TMEM230: variants seen among roughly 807,000 people sequenced by gnomAD.
The protein encoded by TMEM230 is transmembrane protein 230.
In TMEM230, 10 loss-of-function variants were observed where a neutral mutation model predicts 15.8. The ratio of observed to expected loss-of-function variants is 0.63; its 90% CI spans 0.39 to 1.07. The LOEUF (loss-of-function observed/expected upper bound fraction) is 1.07. Ranked by LOEUF, TMEM230 falls within the 50% of genes least tolerant of loss-of-function variation. The pLI is 0.01. For synonymous variants in TMEM230, 67 were observed against 76.9 expected (o/e 0.87, Z 0.68); for missense variants, 165 against 193.3 (o/e 0.85, Z 0.87).
chr20:5,086,966 C>A (rs1284130198), intron 3 of TMEM230, among the ~76,000 whole-genome samples: 5 of 152,112 alleles, frequency 3.3e-5, no homozygotes, highest in African/African-American at 9.7e-5. Context: ...CTCGACCTCC[C>A]AGGCTCAAGC....
At chr20:5,074,789 T>C (rs2122560976) in intron 3 of TMEM230, among the ~76,000 whole-genome samples, 1 of 152,090 alleles carries the variant, frequency 6.6e-6, no homozygotes, top group Non-Finnish European at 1.5e-5. Context: ...AAAATAAAAA[T>C]AATGAAAACA....
chr20:5,112,742 C>T (rs572071430), intron 1 of TMEM230: 2 of 1,451,508 alleles, frequency 1.4e-6, no homozygotes, highest in African/African-American at 1.4e-5. Flanking sequence ...TATTCTCCTA[C>T]CCGTCTTCAG....
downstream of TMEM230, among the ~76,000 whole-genome samples, chr20:5,095,433 T>C (rs1419597594): frequency 6.6e-6 from 1 of 152,216 alleles, no homozygotes; most frequent in African/African-American, 2.4e-5. Flanking sequence ...TTGGGACTCC[T>C]GTCTCGATTT....
chr20:5,100,512 C>T lies in TMEM230; in HGVS notation c.*279G>A. 1 of 1,155,744 alleles carries T rather than the reference C, an allele frequency of 8.7e-7. No individual in the cohort carries two copies. The highest frequency in any genetic ancestry group is 2.6e-5 in the South Asian group (1 of 37,838). 71.6% of individuals were successfully genotyped at this position (1,155,744 alleles called of 1,614,324 possible). A position where few individuals can be genotyped will look rare whatever the true frequency, so the allele number is the denominator to read the frequency against. ...TGCTCAGCTCTACAGAGGGTGGTGG[C>T]AGGCAACACTTTTCCATTACAGAAT... On this transcript the variant is annotated 3_prime_UTR_variant, in exon 5 of 5. Transcript: ENST00000342308.
chr20:5,100,986 A>G, intron 4 of TMEM230, 55 bp from the exon 4 acceptor site: 3 of 1,600,788 alleles, frequency 1.9e-6, no homozygotes, highest in Middle Eastern at 1.7e-4. Flanking sequence ...ACATTTTAAA[A>G]TAAAACGTCA....
In TMEM230 at chr20:5,089,863, AC is replaced by A. The variant is rs369632614; in HGVS notation, c.222+16324del. On this transcript the variant is annotated intron_variant, in intron 3 of 3. Transcript: ENST00000612323. Reference sequence around the variant, plus strand: ...CAAAACCCCATCTCTAGTAAACAATACAAAAATTAGCCAGGCATGGTGGCAC... The same window carrying A: ...CAAAACCCCATCTCTAGTAAACAATAAAAAATTAGCCAGGCATGGTGGCAC... 2.5e-3 allele frequency among the ~76,000 whole-genome samples: 387 copies of A among 151,932 alleles called. 3 individuals carry two copies. The highest frequency in any genetic ancestry group is 9.0e-3 in the African/African-American group (372 of 41,422).
chr20:5,080,206 G>A (rs1427950131), intron 3 of TMEM230, among the ~76,000 whole-genome samples: 1 of 152,122 alleles, frequency 6.6e-6, no homozygotes, highest in Non-Finnish European at 1.5e-5. Context: ...AGTGCAAACA[G>A]CTTTTTGAAA....
downstream of TMEM230, among the ~76,000 whole-genome samples, chr20:5,064,298 C>T (rs764840559): frequency 6.8e-6 from 1 of 148,140 alleles, no homozygotes; most frequent in Non-Finnish European, 1.5e-5. Flanking sequence ...ATTATCAGGC[C>T]GGGTGCAGTG....
At chr20:5,076,158 G>A (rs77491230) in intron 3 of TMEM230, among the ~76,000 whole-genome samples, 2,599 of 152,084 alleles carry the variant, frequency 0.017, 74 homozygotes, top group African/African-American at 0.059. Flanking sequence ...TCCTTCACTG[G>A]ACAGGAAGTG....
chr20:5,069,778 C>T (rs1292939698), intron 3 of TMEM230, among the ~76,000 whole-genome samples: 4 of 152,004 alleles, frequency 2.6e-5, no homozygotes, highest in Non-Finnish European at 5.9e-5. Flanking sequence ...GGCACCATCT[C>T]GGCTCACTGC....
At position 5,085,920 on chromosome 20, in the gene TMEM230, C is replaced by G. The variant is rs965617028; in HGVS notation, c.223-16571G>C. On this transcript the variant is annotated intron_variant, in intron 3 of 3. Transcript: ENST00000612323. ...ATAAGAAAGCAGGTGGTTGTCAGGC[C>G]ATACCTGCCGTGTCACCTCTCACAG... Among the ~76,000 whole-genome samples the G allele has an allele frequency of 2.6e-5, 4 of 152,258 alleles. No homozygotes were observed. The East Asian group carries it at 7.7e-4, about 29-fold the overall frequency.
chr20:5,089,310 G>C (rs1052031550), intron 3 of TMEM230, among the ~76,000 whole-genome samples: 1 of 152,102 alleles, frequency 6.6e-6, no homozygotes, highest in Non-Finnish European at 1.5e-5. Context: ...GGGAGGCGGG[G>C]GTTGCAGTGA....
chr20:5,112,764 G>A, intron 1 of TMEM230, 197 bp downstream of exon 1: 2 of 1,469,688 alleles, frequency 1.4e-6, no homozygotes, highest in African/African-American at 1.4e-5. Context: ...CCTTGCCAGG[G>A]AGAGAAATAA....
downstream of TMEM230, chr20:5,098,517 G>A (rs1038677511): frequency 6.6e-6 from 1 of 152,058 alleles, no homozygotes; most frequent in Non-Finnish European, 1.5e-5. Context: ...ATACAACTAT[G>A]GTCAAAACAC....
chr20:5,099,672 T>A (rs777511278), downstream of TMEM230, among the ~76,000 whole-genome samples: 2 of 152,160 alleles, frequency 1.3e-5, no homozygotes, highest in Non-Finnish European at 2.9e-5. Context: ...TAAAACTTGC[T>A]CTTCCCACAG....
intron 3 of TMEM230, among the ~76,000 whole-genome samples, chr20:5,085,983 C>A (rs1452447551): frequency 6.6e-6 from 1 of 152,168 alleles, no homozygotes; most frequent in Non-Finnish European, 1.5e-5. Flanking sequence ...GTCCAGATGC[C>A]CACGTCATGC....
At chr20:5,093,936 G>A (rs766090321) in intron 3 of TMEM230, among the ~76,000 whole-genome samples, 3 of 151,506 alleles carry the variant, frequency 2.0e-5, no homozygotes, top group Non-Finnish European at 4.4e-5. Context: ...CAACAAATCC[G>A]ATCAGTGAGC....
At chr20:5,109,491 T>G (rs756368252) in intron 2 of TMEM230, 46 bp from the exon 2 acceptor site, 19 of 1,432,578 alleles carry the variant, frequency 1.3e-5, no homozygotes, top group Non-Finnish European at 1.9e-5. Flanking sequence ...TAGATGACAA[T>G]GGTGCATTAT....
At chr20:5,071,371 T>A (rs2088817701) in intron 3 of TMEM230, among the ~76,000 whole-genome samples, 1 of 151,966 alleles carries the variant, frequency 6.6e-6, no homozygotes, top group African/African-American at 2.4e-5. Context: ...ACACCTGTAA[T>A]CCCAGCACTT....
Sources: gnomAD v4.1 joint callset for allele counts (sites outside exome capture counted in the v4.1 genomes callset) on GRCh38, gnomAD v4.1.1 for gene constraint, MANE v1.5 for transcripts, NCBI Gene and HGNC (gene_info 2026-07-23, HGNC 2026-07-21) for gene names.